SIRPA: variants seen among roughly 807,000 people sequenced by gnomAD.
SIRPA encodes the protein tyrosine-protein phosphatase non-receptor type substrate 1.
Under a neutral mutation model 50.3 loss-of-function variants are expected in SIRPA, and 9 were observed. The ratio of observed to expected loss-of-function variants is 0.18; its 90% CI spans 0.11 to 0.31. SIRPA has a LOEUF of 0.31. Among genes scored for constraint, SIRPA ranks in the 10% least tolerant of loss-of-function variants. SIRPA has a pLI of 1.00. For synonymous variants in SIRPA, 265 were observed against 284.1 expected (o/e 0.93, Z 0.68); for missense variants, 474 against 661.6 (o/e 0.72, Z 3.11).
chr20:1,931,674 A>AGGGAGGCTGCAAGCG (rs1491305974), intron 6 of SIRPA, among the ~76,000 whole-genome samples: 3 of 152,122 alleles, frequency 2.0e-5, no homozygotes, highest in Non-Finnish European at 4.4e-5. Flanking sequence ...TGAGCACCTC[A>AGGGAGGCTGCAAGCG]GGGAGGCTGC....
rs931204405 is a variant in SIRPA, at chr20:1,898,636, T to C, written c.79+3110T>C. Among the ~76,000 whole-genome samples, 4 of 152,066 alleles carry C rather than the reference T, an allele frequency of 2.6e-5. No individual in the cohort carries two copies. The highest frequency in any genetic ancestry group is 4.8e-5 in the African/African-American group (2 of 41,388). Reference sequence around the variant, plus strand: ...GGATTTTGGATGCTGGCCTTCCTGCTGGGTGGCTTCTAGGGAAGAAGCTCA... The same window carrying C: ...GGATTTTGGATGCTGGCCTTCCTGCCGGGTGGCTTCTAGGGAAGAAGCTCA... On this transcript the variant is annotated intron_variant, in intron 1 of 7. Coordinates refer to ENST00000358771, the MANE Select transcript of SIRPA (RefSeq NM_001040023.2). This position sits in a 1 kb window ranked among gnomAD's most constrained non-coding sequence, Gnocchi z 4.3.
intron 1 of SIRPA, among the ~76,000 whole-genome samples, chr20:1,913,637 A>G (rs898947395): frequency 2.6e-5 from 4 of 151,994 alleles, no homozygotes; most frequent in Non-Finnish European, 5.9e-5. Flanking sequence ...TCCTCTGTCT[A>G]CCTGGTTCTC....
At position 1,915,540 on chromosome 20, in the gene SIRPA, G is replaced by T. The variant is rs565391749; in HGVS notation, c.436+85G>T. On this transcript the variant is annotated intron_variant, in intron 2 of 7. Transcript: ENST00000358771. The stretch of plus-strand genomic sequence containing the variant: ...CCTCCATTCTTTGAGCAATGATCAG[G>T]TGTGGTGGTAGGTGCTCCTTTCCAT... 1.0e-4 allele frequency: 154 copies of T among 1,505,040 alleles called. 2 individuals carry two copies. In the South Asian group the frequency reaches 1.6e-3, roughly 16 times the overall value. The allele number at this position is 1,505,040 out of a possible 1,614,324, so 93.2% of individuals were successfully genotyped here. A position where few individuals can be genotyped will look rare whatever the true frequency, so the allele number is the denominator to read the frequency against.
At chr20:1,931,284 T>A (rs911939496) in intron 6 of SIRPA, among the ~76,000 whole-genome samples, 15 of 152,202 alleles carry the variant, frequency 9.9e-5, no homozygotes, top group Admixed American at 3.3e-4. Flanking sequence ...TCTAGAAGGT[T>A]CTTATTCCCT....
intron 6 of SIRPA, among the ~76,000 whole-genome samples, chr20:1,931,021 C>T (rs1441528612): frequency 6.6e-6 from 1 of 152,230 alleles, no homozygotes. Context: ...GCTCCTGGCA[C>T]TATCTATGCC....
At chr20:1,925,071 A>G (rs1458164429) in intron 5 of SIRPA, among the ~76,000 whole-genome samples, 194 bp downstream of exon 5, 4 of 152,122 alleles carry the variant, frequency 2.6e-5, no homozygotes, top group Non-Finnish European at 5.9e-5. Flanking sequence ...CTTCCCCCTC[A>G]TGGTTACAAG....
intron 3 of SIRPA, 57 bp from the exon 4 acceptor site, chr20:1,922,256 C>T (rs1459791805): frequency 6.2e-7 from 1 of 1,606,566 alleles, no homozygotes; most frequent in Non-Finnish European, 8.5e-7. Context: ...GTTATGGAGC[C>T]CTCCCTGTGA....
At chr20:1,909,080 T>C (rs1294173320) in intron 1 of SIRPA, among the ~76,000 whole-genome samples, 2 of 152,112 alleles carry the variant, frequency 1.3e-5, no homozygotes, top group African/African-American at 4.8e-5. Context: ...CTTCTGAGGA[T>C]GGTGAATAAC....
At chr20:1,920,091 CCTCT>C (rs1268262251) in intron 2 of SIRPA, among the ~76,000 whole-genome samples, 6 of 152,180 alleles carry the variant, frequency 3.9e-5, no homozygotes, top group Non-Finnish European at 8.8e-5. Context: ...TGGCCCTGGG[CCTCT>C]CTGAGCTTTG....
chr20:1,911,810 G>A lies in SIRPA; in HGVS notation c.80-3289G>A, dbSNP rs1453550701. ...AGACGGTTCAGGCCCCTGGACAGTC[G>A]CATCCTCTGCTAGGAGGGCAAGAGA... On this transcript the variant is annotated intron_variant, in intron 1 of 7. Transcript: ENST00000358771. Among the ~76,000 whole-genome samples, 8 of 152,042 alleles carry A rather than the reference G, an allele frequency of 5.3e-5. No individual in the cohort carries two copies. The East Asian group carries it at 5.8e-4, about 11-fold the overall frequency.
intron 1 of SIRPA, among the ~76,000 whole-genome samples, chr20:1,899,077 C>T (rs1028154012): frequency 6.6e-6 from 1 of 152,082 alleles, no homozygotes; most frequent in African/African-American, 2.4e-5. Flanking sequence ...TATTTGTAGT[C>T]TTGGACTGAC....
Position 1,937,175 on chromosome 20 carries a change from G to A in SIRPA, c.1267-145G>A, listed in dbSNP as rs1319528018. 23 of 963,732 alleles carry A rather than the reference G, an allele frequency of 2.4e-5. No individual in the cohort carries two copies. The highest frequency in any genetic ancestry group is 3.2e-5 in the Non-Finnish European group (21 of 650,928). 59.7% of individuals were successfully genotyped at this position (963,732 alleles called of 1,614,324 possible). A position where few individuals can be genotyped will look rare whatever the true frequency, so the allele number is the denominator to read the frequency against. On this transcript the variant is annotated intron_variant, in intron 7 of 7. Coordinates refer to ENST00000358771, the MANE Select transcript of SIRPA (RefSeq NM_001040023.2). This position sits in a 1 kb window ranked among gnomAD's most constrained non-coding sequence, Gnocchi z 8.3. The stretch of plus-strand genomic sequence containing the variant: ...CTGGAGGCAAGTAACGTTGGCAAGA[G>A]ATGAGGGGAACATGACTTATGGCTG...
At chr20:1,903,072 A>G (rs1348452330) in intron 1 of SIRPA, among the ~76,000 whole-genome samples, 1 of 151,034 alleles carries the variant, frequency 6.6e-6, no homozygotes, top group Admixed American at 6.6e-5. Context: ...GCCACGGGGG[A>G]TAGCAAGAGC....
At chr20:1,915,819 G>A (rs1985249154) in intron 2 of SIRPA, among the ~76,000 whole-genome samples, 1 of 152,208 alleles carries the variant, frequency 6.6e-6, no homozygotes, top group Non-Finnish European at 1.5e-5. Context: ...TCCCTCTCAG[G>A]GCAGCCGAGT....
rs377742631 is a variant in SIRPA, at chr20:1,915,439, T to C, written c.420T>C (p.Thr140=). Reference sequence around the variant, plus strand: ...TGGAGTTTAAGTCTGGAGCAGGCACTGAGCTGTCTGTGCGCGGTGAGTACA... The same window carrying C: ...TGGAGTTTAAGTCTGGAGCAGGCACCGAGCTGTCTGTGCGCGGTGAGTACA... ...DDVEFKSGAG[T]ELSVRAKPSA... Residue 140 remains threonine, a synonymous_variant, in exon 2 of 8, where the codon ACT becomes ACC. Coordinates refer to ENST00000358771, the MANE Select transcript of SIRPA (RefSeq NM_001040023.2). The C allele has an allele frequency of 5.5e-5, 88 of 1,613,190 alleles. 1 individual carries two copies. The highest frequency in any genetic ancestry group is 4.4e-4 in the South Asian group (40 of 91,044).
upstream of SIRPA, chr20:1,894,230 G>A (rs1371790644): frequency 6.6e-6 from 1 of 152,166 alleles, no homozygotes; most frequent in Admixed American, 6.5e-5. The surrounding 1 kb of genome is among the most constrained non-coding windows in gnomAD (Gnocchi z 4.0). Flanking sequence ...CGACCTCCTG[G>A]GGAGGGTTAA....
intron 1 of SIRPA, among the ~76,000 whole-genome samples, chr20:1,912,023 C>T (rs994432962): frequency 2.6e-5 from 4 of 151,898 alleles, no homozygotes; most frequent in Admixed American, 6.6e-5. Context: ...GCACTTACGT[C>T]GCACTTTTAA....
chr20:1,899,748 T>C (rs1003484641), intron 1 of SIRPA, among the ~76,000 whole-genome samples: 17 of 152,198 alleles, frequency 1.1e-4, no homozygotes, highest in African/African-American at 3.6e-4. Flanking sequence ...CCCCTGGGTG[T>C]TGATCTGAGC....
intron 2 of SIRPA, among the ~76,000 whole-genome samples, chr20:1,920,262 C>T (rs369914346): frequency 1.1e-4 from 17 of 152,302 alleles, no homozygotes; most frequent in African/African-American, 3.1e-4. Flanking sequence ...ACATCCAGGC[C>T]GCTGGCCTCA....
Sources: allele counts gnomAD v4.1 joint callset (sites outside exome capture counted in the v4.1 genomes callset), GRCh38; gene constraint gnomAD v4.1.1; non-coding constraint Gnocchi (gnomAD v3.1); transcripts MANE v1.5; gene names NCBI Gene and HGNC (gene_info 2026-07-23, HGNC 2026-07-21).